The following YLPM1 variants were observed in gnomAD, a reference collection of about 807,000 sequenced individuals.
YLPM1 encodes the protein YLP motif containing 1.
In YLPM1, 99 loss-of-function variants were observed where a neutral mutation model predicts 230.0. The observed-to-expected ratio is 0.43, with a 90% CI of 0.37 to 0.51. The LOEUF is 0.51. YLPM1 is among the 20% of genes least tolerant of loss of function. The pLI, the probability that YLPM1 is intolerant of heterozygous loss-of-function variation, is 0.00. For synonymous variants in YLPM1, 984 were observed against 942.5 expected, an observed-to-expected ratio of 1.04 and a Z score of -0.81; for missense variants, 2,592 against 2,707.7, an observed-to-expected ratio of 0.96 and a Z score of 0.95.
chr14:74,793,547 T>C (rs548520684), intron 4 of YLPM1, among the ~76,000 whole-genome samples: 1 of 152,364 alleles, frequency 6.6e-6, no homozygotes, highest in African/African-American at 2.4e-5. Context: ...AGTTCTTTTC[T>C]GCTTTTTGCA....
chr14:74,815,792 T>G (rs373380095), intron 11 of YLPM1, among the ~76,000 whole-genome samples: 42 of 152,286 alleles, frequency 2.8e-4, no homozygotes, highest in African/African-American at 9.4e-4. Flanking sequence ...TTTATAGCTA[T>G]CAATTTCCTT....
chr14:74,812,971 A>G (rs987748718), intron 11 of YLPM1, among the ~76,000 whole-genome samples, 189 bp downstream of exon 11: 2 of 152,222 alleles, frequency 1.3e-5, no homozygotes, highest in African/African-American at 2.4e-5. Flanking sequence ...AGAATTTAGC[A>G]CTAAAGTACT....
intron 4 of YLPM1, among the ~76,000 whole-genome samples, chr14:74,794,616 A>C (rs958846060): frequency 6.7e-6 from 1 of 150,094 alleles, no homozygotes; most frequent in Non-Finnish European, 1.5e-5. Context: ...TTTTGTCTTT[A>C]AGATAATATT....
intron 1 of YLPM1, among the ~76,000 whole-genome samples, chr14:74,766,039 G>C (rs2090908144): frequency 6.6e-6 from 1 of 152,138 alleles, no homozygotes; most frequent in South Asian, 2.1e-4. Flanking sequence ...AAATATCAAG[G>C]TTTCCATGAA....
chr14:74,814,348 G>A (rs1379237739), intron 11 of YLPM1, among the ~76,000 whole-genome samples: 1 of 152,154 alleles, frequency 6.6e-6, no homozygotes, highest in East Asian at 1.9e-4. Context: ...GCGACAGAGC[G>A]AGACTCCGTC....
intron 1 of YLPM1, among the ~76,000 whole-genome samples, chr14:74,767,390 A>C (rs1232034490): frequency 6.6e-6 from 1 of 152,192 alleles, no homozygotes; most frequent in African/African-American, 2.4e-5. Flanking sequence ...GTTCCCAAAC[A>C]ATGTTTTTTT....
chr14:74,773,084 G>A (rs564096403), intron 1 of YLPM1, among the ~76,000 whole-genome samples: 73 of 152,056 alleles, frequency 4.8e-4, no homozygotes, highest in African/African-American at 1.5e-3. Flanking sequence ...TCAGGAGATC[G>A]AGACCATCCT....
In YLPM1 at chr14:74,835,269, G is replaced by C. The variant is rs2091635202; in HGVS notation, c.6299G>C (p.Arg2100Thr). Residue 2100 changes from arginine to threonine, a missense_variant, in exon 20 of 21, where the codon AGA becomes ACA. By Grantham distance (71) the Arg-to-Thr change is moderately conservative. Around this residue, in one of 4 missense-constraint regions of YLPM1, gnomAD observed 315 missense variants for 429.3 expected, o/e 0.73. Coordinates refer to ENST00000325680, the MANE Select transcript of YLPM1 (RefSeq NM_019589.3). ...CTAATGCTATGTTCTTTTTAGGTCA[G>C]ATGGGCAGACCTGGAAGAGAAGAAG... ...RASEPGKKRV[R>T]WADLEEKKDA... 1 of 1,613,424 alleles carries C rather than the reference G, an allele frequency of 6.2e-7. No homozygotes were observed. Among genetic ancestry groups the C allele is most frequent in the Non-Finnish European group, 8.5e-7 (1 of 1,179,616 alleles).
At chr14:74,774,161 A>G (rs184109776) in intron 1 of YLPM1, among the ~76,000 whole-genome samples, 3 of 152,360 alleles carry the variant, frequency 2.0e-5, no homozygotes, top group Admixed American at 2.0e-4. Context: ...TGAATACCAT[A>G]GTTTAGCCTA....
At position 74,809,657 on chromosome 14, in the gene YLPM1, C is replaced by T. The variant is rs1566758788; in HGVS notation, c.4799C>T (p.Ala1600Val). 8 of 1,614,050 alleles carry T rather than the reference C, an allele frequency of 5.0e-6. No homozygotes were observed. The highest frequency in any genetic ancestry group is 6.8e-6 in the Non-Finnish European group (8 of 1,179,906). ...GLNSEFKSETAAIPSAPVLPP... is the reference protein window; with the variant it reads ...GLNSEFKSETVAIPSAPVLPP... ...AATTCAGAATTTAAGTCAGAAACTGCAGCAATTCCATCTGCTCCAGTATTA... is the reference window on the plus strand; with the variant it reads ...AATTCAGAATTTAAGTCAGAAACTGTAGCAATTCCATCTGCTCCAGTATTA... Residue 1600 changes from alanine to valine, a missense_variant, in exon 7 of 21, where the codon GCA becomes GTA. Ala to Val is a moderately conservative substitution (Grantham distance 64). Around this residue, in one of 4 missense-constraint regions of YLPM1, gnomAD observed 403 missense variants for 426.7 expected, o/e 0.94. Transcript: ENST00000325680.
At position 74,780,570 on chromosome 14, in the gene YLPM1, C is replaced by T. The variant is rs979650676; in HGVS notation, c.1276C>T (p.Pro426Ser). The T allele has an allele frequency of 6.2e-7, 1 of 1,611,728 alleles. No homozygotes were observed. The highest frequency in any genetic ancestry group is 8.5e-7 in the Non-Finnish European group (1 of 1,178,378). The change falls in exon 3 of 21, where the codon CCA becomes TCA. Residue 426 changes from proline to serine, a missense_variant. Pro to Ser is a moderately conservative substitution (Grantham distance 74). Transcript: ENST00000325680. ...ACAGTATCAGCAGATTATACAGCCC[C>T]CACCACATATACAGGCAAGTGCTTC... ...LQQYQQIIQP[P>S]PHIQTMSVDM...
rs758409210 is a variant in YLPM1 at position 74,820,304 on chromosome 14, C to T, written c.6031-753C>T. On this transcript the variant is annotated intron_variant, in intron 16 of 20. Coordinates refer to ENST00000325680, the MANE Select transcript of YLPM1 (RefSeq NM_019589.3). ...TGACTCTATTGCCCTGGCTGGAGTG[C>T]GGTGGCATGATCATAGCTCATTGCT... 9.2e-5 allele frequency among the ~76,000 whole-genome samples: 14 copies of T among 152,250 alleles called. No individual in the cohort carries two copies. In the East Asian group the frequency reaches 9.6e-4, roughly 10 times the overall value.
intron 17 of YLPM1, among the ~76,000 whole-genome samples, chr14:74,823,397 G>A (rs1249200665): frequency 4.6e-5 from 7 of 152,102 alleles, no homozygotes; most frequent in Admixed American, 4.6e-4. Flanking sequence ...GGGGAATAAT[G>A]ATAAATCACA....
chr14:74,781,374 A>T lies in YLPM1; in HGVS notation c.1331A>T (p.Gln444Leu). Residue 444 changes from glutamine (Q) to leucine (L), a missense_variant, in exon 4 of 21, where the codon CAG becomes CTG. This residue lies in a region of YLPM1 where 1,862 missense variants were observed against 1,819.8 expected (regional missense o/e 1.02). Transcript: ENST00000325680. ...ATGCAGCTGCGGCATTATGAGATGCAGCAGCAACAGTTTCAACATCTTTAC... is the reference window on the plus strand; with the variant it reads ...ATGCAGCTGCGGCATTATGAGATGCTGCAGCAACAGTTTCAACATCTTTAC... ...VDMQLRHYEM[Q>L]QQQFQHLYQE... 2 of 1,583,192 alleles carry T rather than the reference A, an allele frequency of 1.3e-6. No individual in the cohort carries two copies. Among genetic ancestry groups the T allele is most frequent in the Non-Finnish European group, 1.7e-6 (2 of 1,163,548 alleles).
chr14:74,811,713 C>T lies in YLPM1; in HGVS notation c.5322C>T (p.Val1774=), dbSNP rs2091436721. 1.2e-6 allele frequency: 2 copies of T among 1,602,760 alleles called. No individual in the cohort carries two copies. The highest frequency in any genetic ancestry group is 1.7e-6 in the Non-Finnish European group (2 of 1,177,078). Residue 1774 remains valine, a synonymous_variant, in exon 10 of 21, where the codon GTC becomes GTT. Transcript: ENST00000325680. ...PSYDRKSDRP[V]YEGPSMFGGE... ...ATGACCGGAAGTCTGACCGACCAGT[C>T]TATGAAGGACCATCCATGTTTGGAG...
At chr14:74,769,083 T>TA (rs1183640774) in intron 1 of YLPM1, among the ~76,000 whole-genome samples, 2 of 151,144 alleles carry the variant, frequency 1.3e-5, no homozygotes, top group East Asian at 3.9e-4. Context: ...TTTATTTATT[T>TA]TTATTTTTTT....
intron 19 of YLPM1, among the ~76,000 whole-genome samples, chr14:74,834,051 TATTAAC>T (rs1423451982): frequency 6.6e-6 from 1 of 152,088 alleles, no homozygotes; most frequent in African/African-American, 2.4e-5. Context: ...TTTAAAAACA[TATTAAC>T]ATAATATGTG....
At chr14:74,818,368 TTTA>T (rs2140135118) in intron 16 of YLPM1, 54 bp downstream of exon 16, 1 of 1,474,322 alleles carries the variant, frequency 6.8e-7, no homozygotes, top group Non-Finnish European at 9.1e-7. Context: ...TTTTCACCTT[TTTA>T]CTTTGAAAAA....
intron 5 of YLPM1, among the ~76,000 whole-genome samples, chr14:74,801,457 A>G (rs1256559521): frequency 6.6e-6 from 1 of 152,222 alleles, no homozygotes; most frequent in African/African-American, 2.4e-5. Flanking sequence ...TAAGGTAGGC[A>G]TTGTGAAAAA....
Sources: allele counts gnomAD v4.1 joint callset (sites outside exome capture counted in the v4.1 genomes callset), GRCh38; gene constraint gnomAD v4.1.1; regional missense constraint gnomAD v4.1.1; transcripts MANE v1.5; gene names NCBI Gene and HGNC (gene_info 2026-07-23, HGNC 2026-07-21).